Variants in SLC35F4 observed in about 807,000 individuals in gnomAD.
SLC35F4 encodes solute carrier family 35 member F4, also known as chromosome 14 open reading frame 36.
In SLC35F4, 24 loss-of-function variants were observed where a neutral mutation model predicts 44.2. That is an observed-to-expected ratio of 0.54 (90% CI 0.39 to 0.76). The LOEUF is 0.76. Ranked by LOEUF, SLC35F4 falls within the 30% of genes least tolerant of loss-of-function variation. The pLI, the probability that SLC35F4 is intolerant of heterozygous loss-of-function variation, is 0.00. For synonymous variants in SLC35F4, 238 were observed against 223.6 expected (o/e 1.06, Z -0.57); for missense variants, 562 against 586.1 (o/e 0.96, Z 0.42).
At chr14:57,817,734 C>T (rs1882761153) in intron 1 of SLC35F4, among the ~76,000 whole-genome samples, 1 of 152,020 alleles carries the variant, frequency 6.6e-6, no homozygotes, top group African/African-American at 2.4e-5. Flanking sequence ...CTGATTCTGA[C>T]CCAAAAATGT....
At chr14:57,748,429 T>A (rs550594890) in intron 1 of SLC35F4, among the ~76,000 whole-genome samples, 15 of 151,740 alleles carry the variant, frequency 9.9e-5, no homozygotes, top group Non-Finnish European at 1.8e-4. Context: ...CTACAGTGGG[T>A]TTTTTTTAAA....
At chr14:57,586,688 A>C (rs2069747332) in intron 3 of SLC35F4, among the ~76,000 whole-genome samples, 1 of 134,414 alleles carries the variant, frequency 7.4e-6, no homozygotes, top group Non-Finnish European at 1.5e-5. Flanking sequence ...ACTGCACTCC[A>C]GCCTGGGTGA....
At chr14:57,969,942 T>C (rs12434915) in intron 1 of SLC35F4, among the ~76,000 whole-genome samples, 41,265 of 151,960 alleles carry the variant, frequency 0.27, 6,110 homozygotes, top group African/African-American at 0.4. Context: ...AGTCTCACAC[T>C]AAGTGCTTAT....
intron 1 of SLC35F4, among the ~76,000 whole-genome samples, chr14:57,613,866 C>T (rs2071652365): frequency 6.6e-6 from 1 of 152,194 alleles, no homozygotes; most frequent in African/African-American, 2.4e-5. Flanking sequence ...AAAGTAACAT[C>T]TACCTAGTAA....
intron 1 of SLC35F4, among the ~76,000 whole-genome samples, chr14:57,981,348 A>G (rs1881376291): frequency 6.6e-6 from 1 of 152,188 alleles, no homozygotes; most frequent in Non-Finnish European, 1.5e-5. Context: ...CCGTCTCTGC[A>G]GCGTGGGAAA....
intron 1 of SLC35F4, among the ~76,000 whole-genome samples, chr14:57,733,064 A>G (rs2076380603): frequency 1.3e-5 from 2 of 152,162 alleles, no homozygotes; most frequent in African/African-American, 4.8e-5. Context: ...TTCCTAGAAC[A>G]CAGATAATTT....
At chr14:57,781,228 A>G (rs568794347) in intron 1 of SLC35F4, among the ~76,000 whole-genome samples, 1 of 152,210 alleles carries the variant, frequency 6.6e-6, no homozygotes, top group South Asian at 2.1e-4. Context: ...AAGGAAAAAA[A>G]CCCACTATAT....
intron 1 of SLC35F4, among the ~76,000 whole-genome samples, chr14:57,833,278 C>G (rs1333513242): frequency 6.6e-6 from 1 of 152,184 alleles, no homozygotes. Context: ...CTCTGCACAT[C>G]CTGTGACATT....
intron 1 of SLC35F4, among the ~76,000 whole-genome samples, chr14:57,821,375 A>T (rs1384612049): frequency 6.6e-6 from 1 of 152,250 alleles, no homozygotes; most frequent in Non-Finnish European, 1.5e-5. Flanking sequence ...GTAGAAATTC[A>T]TTTTGGTGTA....
chr14:57,825,125 G>C (rs1017641330), intron 1 of SLC35F4, among the ~76,000 whole-genome samples: 1 of 152,104 alleles, frequency 6.6e-6, no homozygotes, highest in African/African-American at 2.4e-5. Flanking sequence ...GGTGGGATCT[G>C]TATGGACCAT....
intron 1 of SLC35F4, among the ~76,000 whole-genome samples, chr14:57,843,963 C>A (rs2140967837): frequency 6.6e-6 from 1 of 152,250 alleles, no homozygotes. Context: ...AGCTTTGCTA[C>A]ATGAACATGT....
At chr14:57,883,856 C>G (rs2141034467) in intron 1 of SLC35F4, among the ~76,000 whole-genome samples, 1 of 152,272 alleles carries the variant, frequency 6.6e-6, no homozygotes, top group African/African-American at 2.4e-5. Flanking sequence ...ACCTTCTAAT[C>G]TTTCTAGGTC....
At chr14:57,775,100 A>G (rs529993958) in intron 1 of SLC35F4, among the ~76,000 whole-genome samples, 1 of 152,276 alleles carries the variant, frequency 6.6e-6, no homozygotes, top group East Asian at 1.9e-4. Context: ...GAATGCACAC[A>G]GAGTGTGCAA....
At chr14:57,856,735 T>G (rs1050142320) in intron 1 of SLC35F4, among the ~76,000 whole-genome samples, 2 of 152,024 alleles carry the variant, frequency 1.3e-5, no homozygotes, top group Admixed American at 6.5e-5. Context: ...CTCTCATACA[T>G]AAAGAGGCAC....
intron 1 of SLC35F4, among the ~76,000 whole-genome samples, chr14:57,638,223 A>G (rs553569682): frequency 6.6e-6 from 1 of 152,230 alleles, no homozygotes; most frequent in South Asian, 2.1e-4. Flanking sequence ...TTGATTGGTT[A>G]GGACTGATTT....
Position 57,569,811 on chromosome 14 carries a change from CAG to C in SLC35F4, c.1101_1102del (p.Cys368TrpfsTer70). On this transcript the variant is annotated frameshift_variant, in exon 6 of 8. Transcript: ENST00000556826. LOFTEE classifies it high-confidence loss of function. ...ACCCAGCCACAGCCCTGCCATCCCA[CAG>C]AGACAGCCCCATGGCAGAGCAGCAA... 1 of 1,606,946 alleles carries C rather than the reference CAG, an allele frequency of 6.2e-7. No individual in the cohort carries two copies. Among genetic ancestry groups the C allele is most frequent in the Non-Finnish European group, 8.5e-7 (1 of 1,177,302 alleles).
chr14:57,850,386 G>A (rs1886447585), intron 1 of SLC35F4, among the ~76,000 whole-genome samples: 1 of 152,162 alleles, frequency 6.6e-6, no homozygotes, highest in Non-Finnish European at 1.5e-5. Context: ...TTAGAGCCAG[G>A]GTCAAAATTA....
At chr14:57,948,853 C>T (rs186439847) in intron 1 of SLC35F4, among the ~76,000 whole-genome samples, 1 of 151,996 alleles carries the variant, frequency 6.6e-6, no homozygotes, top group East Asian at 1.9e-4. Flanking sequence ...TTAAAAGTCC[C>T]TTTTGAAGTT....
At chr14:57,969,238 A>G (rs1880980556) in intron 1 of SLC35F4, among the ~76,000 whole-genome samples, 1 of 152,242 alleles carries the variant, frequency 6.6e-6, no homozygotes, top group South Asian at 2.1e-4. Flanking sequence ...GAAAGGTTTT[A>G]CCACAACCTT....
Sources: allele counts gnomAD v4.1 joint callset (sites outside exome capture counted in the v4.1 genomes callset), GRCh38; gene constraint gnomAD v4.1.1; transcripts MANE v1.5; gene names NCBI Gene and HGNC (gene_info 2026-07-23, HGNC 2026-07-21).